Variants in CDH4 observed in about 807,000 individuals in gnomAD.
CDH4 encodes cadherin 4, also known as cadherin-4.
Under a neutral mutation model 86.0 loss-of-function variants are expected in CDH4, and 33 were observed. The ratio of observed to expected loss-of-function variants is 0.38; its 90% CI spans 0.29 to 0.51. The LOEUF is 0.51. Ranked by LOEUF, CDH4 falls within the 20% of genes least tolerant of loss-of-function variation. CDH4 has a pLI of 0.86. For missense variants in CDH4, 1,114 were observed against 1,307.4 expected (o/e 0.85, Z 2.28); for synonymous variants, 555 against 549.4 (o/e 1.01, Z -0.14).
At chr20:61,428,978 G>T (rs1352771852) in intron 2 of CDH4, among the ~76,000 whole-genome samples, 1 of 151,352 alleles carries the variant, frequency 6.6e-6, no homozygotes, top group Non-Finnish European at 1.5e-5. Context: ...TATTGTATTA[G>T]TTTGCCTTAG....
At chr20:61,421,620 G>A (rs1315973329) in intron 2 of CDH4, among the ~76,000 whole-genome samples, 1 of 152,110 alleles carries the variant, frequency 6.6e-6, no homozygotes, top group Non-Finnish European at 1.5e-5. Context: ...CACTTAAGAT[G>A]TGCATGTTTT....
At chr20:61,425,300 G>A (rs2085206031) in intron 2 of CDH4, among the ~76,000 whole-genome samples, 1 of 152,172 alleles carries the variant, frequency 6.6e-6, no homozygotes. Flanking sequence ...GGACCGGAGA[G>A]CAGTGGCACC....
At chr20:61,321,210 G>A (rs970400632) in intron 2 of CDH4, among the ~76,000 whole-genome samples, 3 of 152,172 alleles carry the variant, frequency 2.0e-5, no homozygotes, top group South Asian at 4.1e-4. Flanking sequence ...GAGCTCTGGC[G>A]TTTATTTAAC....
At position 61,711,823 on chromosome 20, in the gene CDH4, G is replaced by A. The variant is rs371290230; in HGVS notation, c.170-31740G>A. On this transcript the variant is annotated intron_variant, in intron 2 of 15. Coordinates refer to ENST00000614565, the MANE Select transcript of CDH4 (RefSeq NM_001794.5). The stretch of plus-strand genomic sequence containing the variant: ...GATATAGGGTGGAGGGTGAGGACGG[G>A]TGGTGGAGGAAGGTGTCTCTGAGGA... Among the ~76,000 whole-genome samples the A allele has an allele frequency of 1.9e-3, 290 of 152,276 alleles. 15 individuals carry two copies. In the South Asian group the frequency reaches 0.057, roughly 30 times the overall value.
At chr20:61,461,733 C>T (rs537619182) in intron 2 of CDH4, among the ~76,000 whole-genome samples, 6 of 152,296 alleles carry the variant, frequency 3.9e-5, no homozygotes, top group South Asian at 2.1e-4. Context: ...TTAACCTGTG[C>T]GCTGACCTGG....
chr20:61,812,609 A>G (rs1980496190), intron 4 of CDH4, among the ~76,000 whole-genome samples: 1 of 152,102 alleles, frequency 6.6e-6, no homozygotes, highest in Admixed American at 6.5e-5. Flanking sequence ...TCATGAACAC[A>G]TTCCCTGCCC....
chr20:61,520,786 G>C (rs1241954303), intron 2 of CDH4, among the ~76,000 whole-genome samples: 1 of 152,212 alleles, frequency 6.6e-6, no homozygotes, highest in African/African-American at 2.4e-5. Context: ...GCTTATTAGA[G>C]GTCTTTAACC....
chr20:61,831,544 C>G (rs768429840), intron 4 of CDH4, among the ~76,000 whole-genome samples: 1 of 152,260 alleles, frequency 6.6e-6, no homozygotes, highest in Admixed American at 6.5e-5. Flanking sequence ...TTAATACCAG[C>G]TTTTCGCTAG....
chr20:61,383,098 T>TTCTATATTATATATA (rs2084914095), intron 2 of CDH4, among the ~76,000 whole-genome samples: 1 of 82,654 alleles, frequency 1.2e-5, no homozygotes, highest in South Asian at 2.7e-4. Context: ...AATATATATA[T>TTCTATATTATATATA]GAATATATTA....
intron 2 of CDH4, among the ~76,000 whole-genome samples, chr20:61,503,044 TA>T (rs78148314): frequency 6.6e-6 from 1 of 151,854 alleles, no homozygotes; most frequent in African/African-American, 2.4e-5. Context: ...CTAGAATACC[TA>T]AAAAAAATAG....
intron 2 of CDH4, among the ~76,000 whole-genome samples, chr20:61,699,894 T>TG (rs1411306415): frequency 4.6e-5 from 7 of 152,026 alleles, no homozygotes. Flanking sequence ...AATGGCTGAG[T>TG]GAGTACAAAC....
rs1461626594 is a variant in CDH4, at chr20:61,934,268, A to C, written c.2544+48A>C. 4 of 1,491,852 alleles carry C rather than the reference A, an allele frequency of 2.7e-6. No homozygotes were observed. In the African/African-American group the frequency reaches 4.3e-5, roughly 16 times the overall value. The allele number at this position is 1,491,852 out of a possible 1,614,324, so 92.4% of individuals were successfully genotyped here. A position where few individuals can be genotyped will look rare whatever the true frequency, so the allele number is the denominator to read the frequency against. ...GGGCCCGGGCAAGGTGTCTCCTCTAAAAATTAAATTCTGGTAACACACACA... is the reference window on the plus strand; with the variant it reads ...GGGCCCGGGCAAGGTGTCTCCTCTACAAATTAAATTCTGGTAACACACACA... On this transcript the variant is annotated intron_variant, in intron 15 of 15. Transcript: ENST00000614565.
intron 2 of CDH4, among the ~76,000 whole-genome samples, chr20:61,613,451 G>A (rs914621065): frequency 2.0e-5 from 3 of 151,904 alleles, no homozygotes; most frequent in East Asian, 1.9e-4. Context: ...TCCTAATATC[G>A]CCCTAGACAC....
chr20:61,365,376 G>A (rs940060562), intron 2 of CDH4, among the ~76,000 whole-genome samples: 29 of 152,274 alleles, frequency 1.9e-4, no homozygotes, highest in African/African-American at 5.1e-4. Context: ...GAACATGGGC[G>A]TGGCTGGTCC....
intron 2 of CDH4, among the ~76,000 whole-genome samples, chr20:61,637,267 T>C (rs752493693): frequency 6.1e-4 from 93 of 152,372 alleles, no homozygotes; most frequent in Admixed American, 1.1e-3. Flanking sequence ...CTCTGCCGTT[T>C]ATCACACGGG....
rs371679947 is a variant in CDH4 at position 61,658,472 on chromosome 20, G to A, written c.170-85091G>A. On this transcript the variant is annotated intron_variant, in intron 2 of 15. Coordinates refer to ENST00000614565, the MANE Select transcript of CDH4 (RefSeq NM_001794.5). ...CACTTCCTTCCACTTGGGGTGCTCT[G>A]ATCTATAGGCTCCGGGTGGGATGAG... Among the ~76,000 whole-genome samples the A allele has an allele frequency of 8.7e-4, 133 of 152,326 alleles. 7 individuals are homozygous for A. The South Asian group carries it at 0.027, about 30-fold the overall frequency.
At chr20:61,402,821 T>A (rs1424433040) in intron 2 of CDH4, among the ~76,000 whole-genome samples, 2 of 152,250 alleles carry the variant, frequency 1.3e-5, no homozygotes, top group African/African-American at 4.8e-5. Context: ...AGTTTATAGA[T>A]GAAGAAACAG....
At chr20:61,643,524 T>G (rs1428844922) in intron 2 of CDH4, among the ~76,000 whole-genome samples, 1 of 152,240 alleles carries the variant, frequency 6.6e-6, no homozygotes, top group Non-Finnish European at 1.5e-5. Context: ...ACGTGTGCAC[T>G]AATGCCCTGA....
At chr20:61,460,326 T>C (rs935528638) in intron 2 of CDH4, among the ~76,000 whole-genome samples, 1 of 152,142 alleles carries the variant, frequency 6.6e-6, no homozygotes, top group African/African-American at 2.4e-5. Flanking sequence ...AAAAGGCTGC[T>C]CTGTCTCTTT....
Sources: allele counts gnomAD v4.1 joint callset (sites outside exome capture counted in the v4.1 genomes callset), GRCh38; gene constraint gnomAD v4.1.1; transcripts MANE v1.5; gene names NCBI Gene and HGNC (gene_info 2026-07-23, HGNC 2026-07-21).